The following MATN2 variants were observed in gnomAD, a reference collection of about 807,000 sequenced individuals.
MATN2 encodes matrilin-2.
A neutral mutation model predicts 103.2 loss-of-function variants in MATN2; 69 were observed. That is an observed-to-expected ratio of 0.67 (90% CI 0.55 to 0.82). The LOEUF (loss-of-function observed/expected upper bound fraction) is 0.82, where lower values mean the gene tolerates loss of function less well. Ranked by LOEUF, MATN2 falls within the 40% of genes least tolerant of loss-of-function variation. The pLI, the probability that MATN2 is intolerant of heterozygous loss-of-function variation, is 0.00. For synonymous variants in MATN2, 429 were observed against 450.2 expected (o/e 0.95, Z 0.60); for missense variants, 1,023 against 1,211.5 (o/e 0.84, Z 2.31).
intron 1 of MATN2, among the ~76,000 whole-genome samples, chr8:97,870,187 A>G (rs931949709): frequency 6.6e-6 from 1 of 152,064 alleles, no homozygotes; most frequent in Non-Finnish European, 1.5e-5. Context: ...TCATCTGTCT[A>G]ATGAGGATGG....
chr8:97,902,497 CAA>C (rs35090047), intron 2 of MATN2, among the ~76,000 whole-genome samples: 3 of 113,372 alleles, frequency 2.6e-5, no homozygotes. Context: ...AACTCCGTCT[CAA>C]AAAAAAAAAA....
intron 1 of MATN2, among the ~76,000 whole-genome samples, chr8:97,875,393 C>T (rs371734648): frequency 6.6e-6 from 1 of 152,178 alleles, no homozygotes; most frequent in African/African-American, 2.4e-5. Flanking sequence ...GAGCCTGGAA[C>T]TGCACACTTT....
chr8:97,923,523 T>A (rs1809881791), intron 2 of MATN2, among the ~76,000 whole-genome samples: 1 of 151,954 alleles, frequency 6.6e-6, no homozygotes, highest in Non-Finnish European at 1.5e-5. Context: ...CCACCAGATC[T>A]CAGCCACTCA....
rs1452518586 is a variant in MATN2 at position 97,982,267 on chromosome 8, G to A, written c.1081+3259G>A. ...ACACTCAGGAGTGCTCCAGATCTGTGGCAGGGACAAGAACTGAGAAATAGA... is the reference window on the plus strand; with the variant it reads ...ACACTCAGGAGTGCTCCAGATCTGTAGCAGGGACAAGAACTGAGAAATAGA... On this transcript the variant is annotated intron_variant, in intron 6 of 18. Transcript: ENST00000254898. The surrounding 1 kb of genome is among the most constrained non-coding windows in gnomAD (Gnocchi z 4.3). Among the ~76,000 whole-genome samples the A allele has an allele frequency of 6.6e-6, 1 of 152,170 alleles. No individual in the cohort carries two copies. Among genetic ancestry groups the A allele is most frequent in the Non-Finnish European group, 1.5e-5 (1 of 68,030 alleles).
intron 7 of MATN2, among the ~76,000 whole-genome samples, chr8:97,995,232 C>T (rs540655707): frequency 2.6e-5 from 4 of 152,250 alleles, no homozygotes; most frequent in African/African-American, 9.6e-5. Context: ...GAATGGACGG[C>T]CCACAAGGAC....
At chr8:97,954,673 T>A (rs1811087303) in intron 4 of MATN2, among the ~76,000 whole-genome samples, 1 of 152,190 alleles carries the variant, frequency 6.6e-6, no homozygotes, top group Admixed American at 6.5e-5. Context: ...GTCCACTGAT[T>A]CACTGTTGTT....
At chr8:98,023,165 C>G (rs1273335680) in intron 13 of MATN2, among the ~76,000 whole-genome samples, 1 of 152,106 alleles carries the variant, frequency 6.6e-6, no homozygotes, top group African/African-American at 2.4e-5. Context: ...ATCCCAGCTA[C>G]TTGAGAGGCT....
chr8:97,954,714 A>G (rs988895761), intron 4 of MATN2, among the ~76,000 whole-genome samples: 4 of 152,334 alleles, frequency 2.6e-5, no homozygotes, highest in African/African-American at 9.6e-5. Flanking sequence ...TCCATCGTTG[A>G]ATAGATTTAT....
intron 5 of MATN2, among the ~76,000 whole-genome samples, chr8:97,970,335 C>A (rs546584420): frequency 3.3e-5 from 5 of 152,238 alleles, no homozygotes; most frequent in African/African-American, 1.2e-4. Flanking sequence ...GCTGCTTTCA[C>A]CCCAGCCCTG....
chr8:98,035,621 T>C (rs1814212777), intron 18 of MATN2, 36 bp from the exon 19 acceptor site: 3 of 1,274,636 alleles, frequency 2.4e-6, no homozygotes, highest in Admixed American at 2.0e-5. Flanking sequence ...TAAATAAAAA[T>C]AGACAATTCT....
chr8:97,908,888 C>T (rs901213912), intron 2 of MATN2, among the ~76,000 whole-genome samples: 4 of 152,226 alleles, frequency 2.6e-5, no homozygotes, highest in African/African-American at 9.6e-5. Context: ...CTTGGCCTCC[C>T]AAAGTGTTGG....
At chr8:97,920,286 C>T (rs577208701) in intron 2 of MATN2, among the ~76,000 whole-genome samples, 86 of 152,298 alleles carry the variant, frequency 5.6e-4, no homozygotes, top group African/African-American at 1.9e-3. Context: ...CGACTCACTG[C>T]AACCTCTGCT....
rs1383693687 is a variant in MATN2 at position 98,036,362 on chromosome 8, G to A, written c.*650G>A. The stretch of plus-strand genomic sequence containing the variant: ...AAACAATACCATTTTTCACCCATCA[G>A]CTTAGCAAAAATGAGTATATTTTTT... On this transcript the variant is annotated 3_prime_UTR_variant, in exon 19 of 19. Transcript: ENST00000254898. 1.3e-5 allele frequency: 2 copies of A among 152,178 alleles called. No homozygotes were observed. The highest frequency in any genetic ancestry group is 2.9e-5 in the Non-Finnish European group (2 of 68,028). 9.4% of individuals were successfully genotyped at this position (152,178 alleles called of 1,614,324 possible). A position where few individuals can be genotyped will look rare whatever the true frequency, so the allele number is the denominator to read the frequency against.
chr8:97,920,326 G>C (rs559990199), intron 2 of MATN2, among the ~76,000 whole-genome samples: 29 of 152,284 alleles, frequency 1.9e-4, no homozygotes, highest in African/African-American at 6.5e-4. Context: ...TCCTGCCTCA[G>C]CCTCCTGAGT....
chr8:97,931,051 G>C lies in MATN2; in HGVS notation c.241G>C (p.Val81Leu), dbSNP rs368734164. The C allele has an allele frequency of 6.2e-7, 1 of 1,614,010 alleles. No individual in the cohort carries two copies. Among genetic ancestry groups the C allele is most frequent in the South Asian group, 1.1e-5 (1 of 91,084 alleles). ...HDYAKVKEFI[V>L]DILQFLDIGP... is the part of the protein sequence containing the mutation. The stretch of plus-strand genomic sequence containing the variant: ...CTATGCAAAGGTCAAGGAGTTCATC[G>C]TGGACATCTTGCAATTCTTGGACAT... The change falls in exon 3 of 19, where the codon GTG (valine) becomes CTG (leucine). Residue 81 changes from valine (V) to leucine (L), a missense_variant. By Grantham distance (32) the Val-to-Leu change is conservative. Coordinates refer to ENST00000254898, the MANE Select transcript of MATN2 (RefSeq NM_002380.5). This position sits in a 1 kb window ranked among gnomAD's most constrained non-coding sequence, Gnocchi z 4.1.
chr8:97,947,344 C>G (rs1435429559), intron 4 of MATN2, among the ~76,000 whole-genome samples: 2 of 152,192 alleles, frequency 1.3e-5, no homozygotes. Context: ...ACTCCAGCAA[C>G]AGAGCGAGAC....
chr8:97,976,087 T>G (rs1028148493), intron 5 of MATN2, among the ~76,000 whole-genome samples: 1 of 152,172 alleles, frequency 6.6e-6, no homozygotes, highest in Non-Finnish European at 1.5e-5. Flanking sequence ...ACTAGAACTC[T>G]TTAGGGAGCT....
In MATN2 at chr8:97,964,105, A is replaced by G. The variant is rs147745799; in HGVS notation, c.958+2575A>G. 7.7e-3 allele frequency among the ~76,000 whole-genome samples: 1,170 copies of G among 152,266 alleles called. 7 individuals are homozygous for G. The highest frequency in any genetic ancestry group is 0.018 in the South Asian group (85 of 4,812). ...AAGGGCAGTGACTGTGGAGGTGGCA[A>G]TGCTCTTCAAGCATTAGGGCTAAGT... On this transcript the variant is annotated intron_variant, in intron 5 of 18. Transcript: ENST00000254898.
intron 1 of MATN2, among the ~76,000 whole-genome samples, chr8:97,885,715 C>G (rs561802459): frequency 9.9e-4 from 150 of 152,198 alleles, no homozygotes; most frequent in Middle Eastern, 3.4e-3. Context: ...TGGGGGATCC[C>G]TCGAGCCTGG....
Sources: allele counts gnomAD v4.1 joint callset (sites outside exome capture counted in the v4.1 genomes callset), GRCh38; gene constraint gnomAD v4.1.1; non-coding constraint Gnocchi (gnomAD v3.1); transcripts MANE v1.5; gene names NCBI Gene and HGNC (gene_info 2026-07-23, HGNC 2026-07-21).